SMG5: variants seen among roughly 807,000 people sequenced by gnomAD.
SMG5 encodes SMG5 nonsense mediated mRNA decay factor, also known as nonsense-mediated mRNA decay factor SMG5.
A neutral mutation model predicts 122.9 loss-of-function variants in SMG5; 53 were observed. The observed-to-expected ratio is 0.43, with a 90% CI of 0.35 to 0.54. SMG5 has a LOEUF of 0.54. SMG5 is among the 20% of genes least tolerant of loss of function. SMG5 has a pLI of 0.01. For synonymous variants in SMG5, 477 were observed against 490.2 expected, an observed-to-expected ratio of 0.97 and a Z score of 0.35; for missense variants, 1,153 against 1,285.6, an observed-to-expected ratio of 0.90 and a Z score of 1.58.
chr1:156,263,373 G>A lies in SMG5; in HGVS notation c.2031+22C>T, dbSNP rs372472463. ...TCCAAGACCCTGGGACCTGACAGGG[G>A]CAATGGAGTGGACTGACACACCTGC... On this transcript the variant is annotated intron_variant, in intron 13 of 21. Transcript: ENST00000361813. The A allele has an allele frequency of 7.2e-4, 1,158 of 1,598,670 alleles. 1 individual carries two copies. Among genetic ancestry groups the A allele is most frequent in the Non-Finnish European group, 9.2e-4 (1,077 of 1,169,014 alleles).
intron 12 of SMG5, 136 bp from the exon 13 acceptor site, chr1:156,263,706 G>T (rs998264630): frequency 1.0e-5 from 9 of 901,226 alleles, no homozygotes; most frequent in South Asian, 2.2e-5. Flanking sequence ...GAAAAATCTG[G>T]GGAACCACTT....
intron 2 of SMG5, 78 bp from the exon 3 acceptor site, chr1:156,278,126 T>G: frequency 6.4e-7 from 1 of 1,552,702 alleles, no homozygotes; most frequent in Non-Finnish European, 8.7e-7. Context: ...CAAGGAGTCA[T>G]GTGCCAACAC....
chr1:156,255,040 G>A (rs1000164096), intron 16 of SMG5, among the ~76,000 whole-genome samples: 11 of 151,904 alleles, frequency 7.2e-5, no homozygotes, highest in Non-Finnish European at 7.4e-5. Flanking sequence ...GCAGTGAGCC[G>A]AGATAGAGCC....
chr1:156,251,175 A>C, intron 20 of SMG5, 179 bp from the exon 21 acceptor site: 2 of 951,616 alleles, frequency 2.1e-6, no homozygotes, highest in Admixed American at 2.4e-5. Flanking sequence ...GAGGGAAAAC[A>C]CCAAGCCTGA....
At chr1:156,253,217 G>A (rs993029260) in intron 17 of SMG5, 139 bp from the exon 18 acceptor site, 1 of 1,065,952 alleles carries the variant, frequency 9.4e-7, no homozygotes. Context: ...CAATGGCTTT[G>A]GGGGAAAAGT....
Position 156,250,488 on chromosome 1 carries a change from G to A in SMG5, c.*99C>T, listed in dbSNP as rs1447680587. 4.8e-6 allele frequency: 5 copies of A among 1,049,000 alleles called. No individual in the cohort carries two copies. In the Admixed American group the frequency reaches 7.0e-5, roughly 15 times the overall value. 65.0% of individuals were successfully genotyped at this position (1,049,000 alleles called of 1,614,324 possible). A position where few individuals can be genotyped will look rare whatever the true frequency, so the allele number is the denominator to read the frequency against. ...GCCTCCCTCCTGTGTGCGTGCATGAGTCTGCGTGTGGTGGGGTGACTACAG... is the reference window on the plus strand; with the variant it reads ...GCCTCCCTCCTGTGTGCGTGCATGAATCTGCGTGTGGTGGGGTGACTACAG... On this transcript the variant is annotated 3_prime_UTR_variant, in exon 22 of 22. Transcript: ENST00000361813.
Position 156,259,047 on chromosome 1 carries a change from C to T in SMG5, c.2400G>A (p.Glu800=), listed in dbSNP as rs769344404. ...GGGCCTGCTGCAGCAGGCTCTCCTG[C>T]TCAGACTGGGCAATGCTGACGAAGA... ...VGIFVSIAQS[E]QESLLQQAQA... The change falls in exon 16 of 22, where the codon GAG becomes GAA. Residue 800 remains glutamate, a synonymous_variant. Transcript: ENST00000361813. 12 of 1,613,734 alleles carry T rather than the reference C, an allele frequency of 7.4e-6. 1 individual carries two copies. In the Admixed American group the frequency reaches 2.0e-4, roughly 27 times the overall value.
intron 5 of SMG5, 115 bp from the exon 6 acceptor site, chr1:156,273,565 T>C: frequency 1.0e-6 from 1 of 969,306 alleles, no homozygotes; most frequent in Admixed American, 2.2e-5. Context: ...GGAAGGTACC[T>C]GAGCTAGGAA....
chr1:156,261,003 C>A lies in SMG5; in HGVS notation c.2107+330G>T, dbSNP rs550698924. ...GTAGGAGATGAGCCAGACAAACAAACTTGGTAGGTCAAAGTCAATTCTCAA... is the reference window on the plus strand; with the variant it reads ...GTAGGAGATGAGCCAGACAAACAAAATTGGTAGGTCAAAGTCAATTCTCAA... On this transcript the variant is annotated intron_variant, in intron 14 of 21. Coordinates refer to ENST00000361813, the MANE Select transcript of SMG5 (RefSeq NM_015327.3). Among the ~76,000 whole-genome samples, 5 of 152,300 alleles carry A rather than the reference C, an allele frequency of 3.3e-5. No homozygotes were observed. In the South Asian group the frequency reaches 1.0e-3, roughly 32 times the overall value.
chr1:156,266,318 C>T lies in SMG5; in HGVS notation c.1318G>A (p.Val440Ile). The T allele has an allele frequency of 1.2e-6, 2 of 1,614,186 alleles. No homozygotes were observed. Among genetic ancestry groups the T allele is most frequent in the East Asian group, 4.5e-5 (2 of 44,878 alleles). ...CTGCCCTCACCCACTTGGGGTGTTA[C>T]AGGAGGAGGCTCAGGATCTGGCTCC... ...EEEPDPEPPP[V>I]TPQVGEGRKS... Residue 440 changes from valine to isoleucine, a missense_variant, in exon 12 of 22, where the codon GTA becomes ATA. Val to Ile is a conservative substitution (Grantham distance 29). This residue lies in a region of SMG5 where 631 missense variants were observed against 650.6 expected (regional missense o/e 0.97). Coordinates refer to ENST00000361813, the MANE Select transcript of SMG5 (RefSeq NM_015327.3).
At chr1:156,261,231 T>G in intron 14 of SMG5, 102 bp downstream of exon 14, 1 of 1,146,314 alleles carries the variant, frequency 8.7e-7, no homozygotes. Flanking sequence ...TGAATCCCAT[T>G]AACCTCCTTA....
At chr1:156,270,816 T>C (rs1180676897) in intron 7 of SMG5, among the ~76,000 whole-genome samples, 2 of 152,188 alleles carry the variant, frequency 1.3e-5, no homozygotes, top group South Asian at 2.1e-4. Flanking sequence ...GAGACCAGCC[T>C]GAGCAACATG....
chr1:156,279,457 T>C (rs1167262771), intron 1 of SMG5, among the ~76,000 whole-genome samples: 1 of 152,170 alleles, frequency 6.6e-6, no homozygotes, highest in Non-Finnish European at 1.5e-5. Context: ...GCACACGCTG[T>C]GATGCCAGGC....
At chr1:156,285,602 G>A, upstream of SMG5, 2 of 1,614,226 alleles carry the variant, frequency 1.2e-6, no homozygotes, top group Non-Finnish European at 8.5e-7. Flanking sequence ...TGAGAAAGCG[G>A]CCCGTGCCTT....
chr1:156,272,142 C>T (rs1316201263), intron 7 of SMG5, among the ~76,000 whole-genome samples, 178 bp downstream of exon 7: 4 of 152,120 alleles, frequency 2.6e-5, no homozygotes, highest in Non-Finnish European at 5.9e-5. Context: ...ACAGATCCAG[C>T]GGTTATGTGA....
chr1:156,271,926 T>C (rs1220846011), intron 7 of SMG5, among the ~76,000 whole-genome samples: 1 of 151,798 alleles, frequency 6.6e-6, no homozygotes, highest in East Asian at 1.9e-4. Context: ...CAGCTAAGAG[T>C]CAGACCCAGG....
chr1:156,285,142 A>G, upstream of SMG5: 2 of 1,480,342 alleles, frequency 1.4e-6, no homozygotes, highest in Admixed American at 4.9e-5. Flanking sequence ...TAATAACTAG[A>G]AGACAGGGGT....
In SMG5 at chr1:156,273,413, C is replaced by A; in HGVS notation, c.582G>T (p.Glu194Asp). The change falls in exon 6 of 22, where the codon GAG becomes GAT. Residue 194 changes from glutamate to aspartate, a missense_variant. Transcript: ENST00000361813. ...YQNELAGVDT[E>D]LLAERFYYQA... is the part of the protein sequence containing the mutation. Reference sequence around the variant, plus strand: ...GGTAGTAAAATCTCTCGGCTAGCAGCTCGGTATCTACGCCAGCTAATTCAT... The same window carrying A: ...GGTAGTAAAATCTCTCGGCTAGCAGATCGGTATCTACGCCAGCTAATTCAT... 6.2e-7 allele frequency: 1 copy of A among 1,614,124 alleles called. No individual in the cohort carries two copies. Among genetic ancestry groups the A allele is most frequent in the Non-Finnish European group, 8.5e-7 (1 of 1,180,012 alleles).
chr1:156,282,856 T>G, upstream of SMG5: 6 of 629,064 alleles, frequency 9.5e-6, no homozygotes, highest in Non-Finnish European at 1.6e-5. Context: ...AATCTCGCGA[T>G]GGCAGCCGCA....
Sources: gnomAD v4.1 joint callset for allele counts (sites outside exome capture counted in the v4.1 genomes callset) on GRCh38, gnomAD v4.1.1 for gene constraint, gnomAD v4.1.1 regional missense constraint, MANE v1.5 for transcripts, NCBI Gene and HGNC (gene_info 2026-07-23, HGNC 2026-07-21) for gene names.